GPR26: variants seen among roughly 807,000 people sequenced by gnomAD.
The protein encoded by GPR26 is G protein-coupled receptor 26.
Under a neutral mutation model 23.1 loss-of-function variants are expected in GPR26, and 15 were observed. The ratio of observed to expected loss-of-function variants is 0.65; its 90% CI spans 0.43 to 1.00. The LOEUF is 1.00. Among genes scored for constraint, GPR26 ranks in the 50% least tolerant of loss-of-function variants. GPR26 has a pLI of 0.00. For missense variants in GPR26, 359 were observed against 470.5 expected (o/e 0.76, Z 2.19); for synonymous variants, 228 against 222.1 (o/e 1.03, Z -0.24).
chr10:123,678,324 C>T (rs556651778), intron 2 of GPR26, among the ~76,000 whole-genome samples: 1 of 152,204 alleles, frequency 6.6e-6, no homozygotes, highest in Non-Finnish European at 1.5e-5. Flanking sequence ...CCTTGAGCTG[C>T]TCATATCATT....
chr10:123,675,833 C>CGTGTGTGTGTGTATGTGTGT (rs1554863877), intron 2 of GPR26, among the ~76,000 whole-genome samples: 8 of 134,176 alleles, frequency 6.0e-5, no homozygotes, highest in Admixed American at 3.8e-4. Flanking sequence ...TGTGTGTGTA[C>CGTGTGTGTGTGTATGTGTGT]GTGTGTGTGT....
At position 123,689,105 on chromosome 10, in the gene GPR26, G is replaced by GA. The variant is rs1163594313; in HGVS notation, c.*946dup. On this transcript the variant is annotated 3_prime_UTR_variant, in exon 3 of 3. Transcript: ENST00000284674. Reference sequence around the variant, plus strand: ...GAGATGGATGGGCAAGAACTGGCCTGAGCAGGGATTTTTGCCTTGATTTTA... The same window carrying GA: ...GAGATGGATGGGCAAGAACTGGCCTGAAGCAGGGATTTTTGCCTTGATTTTA... 1 of 152,202 alleles carries GA rather than the reference G, an allele frequency of 6.6e-6. No individual in the cohort carries two copies. Among genetic ancestry groups the GA allele is most frequent in the African/African-American group, 2.4e-5 (1 of 41,440 alleles). 9.4% of individuals were successfully genotyped at this position (152,202 alleles called of 1,614,324 possible).
At chr10:123,671,904 G>A (rs1335374103) in intron 1 of GPR26, among the ~76,000 whole-genome samples, 2 of 152,236 alleles carry the variant, frequency 1.3e-5, no homozygotes, top group Non-Finnish European at 2.9e-5. Flanking sequence ...GTTTTGCAAA[G>A]CTATGGAGGG....
In GPR26 at chr10:123,674,883, C is replaced by A. The variant is rs774897681; in HGVS notation, c.734C>A (p.Thr245Asn). The change falls in exon 2 of 3, where the codon ACC (threonine) becomes AAC (asparagine). Residue 245 changes from threonine to asparagine, a missense_variant. By Grantham distance (65) the Thr-to-Asn change is moderately conservative. Transcript: ENST00000284674. The surrounding 1 kb of genome is among the most constrained non-coding windows in gnomAD (Gnocchi z 4.1). ...RRQRATKKISTFIGTFLVCFA... is the reference protein window; with the variant it reads ...RRQRATKKISNFIGTFLVCFA... ...CAGCGAGCCACCAAGAAGATCAGCA[C>A]CTTCATAGGGACCTTCCTTGTGTGC... is the stretch of plus-strand genomic sequence containing the variant. 2 of 1,613,612 alleles carry A rather than the reference C, an allele frequency of 1.2e-6. No individual in the cohort carries two copies. Among genetic ancestry groups the A allele is most frequent in the African/African-American group, 1.3e-5 (1 of 74,904 alleles).
chr10:123,690,395 G>A lies in GPR26; in HGVS notation c.*2235G>A, dbSNP rs1845479066. 6.6e-6 allele frequency: 1 copy of A among 152,130 alleles called. No individual in the cohort carries two copies. The highest frequency in any genetic ancestry group is 6.5e-5 in the Admixed American group (1 of 15,268). The allele number at this position is 152,130 out of a possible 1,614,324, so 9.4% of individuals were successfully genotyped here. A position where few individuals can be genotyped will look rare whatever the true frequency, so the allele number is the denominator to read the frequency against. ...ATACATTTTCATCAATATCACTTTGGGAGAATAACTGTGGCACATGCTCTT... is the reference window on the plus strand; with the variant it reads ...ATACATTTTCATCAATATCACTTTGAGAGAATAACTGTGGCACATGCTCTT... On this transcript the variant is annotated 3_prime_UTR_variant, in exon 3 of 3. Transcript: ENST00000284674.
At chr10:123,679,373 G>A (rs777441353) in intron 2 of GPR26, among the ~76,000 whole-genome samples, 1 of 152,206 alleles carries the variant, frequency 6.6e-6, no homozygotes, top group Non-Finnish European at 1.5e-5. Context: ...GGAGAGGCAC[G>A]CAAGCTTGAA....
chr10:123,684,634 T>C (rs1845412275), intron 2 of GPR26, among the ~76,000 whole-genome samples: 1 of 152,218 alleles, frequency 6.6e-6, no homozygotes, highest in Non-Finnish European at 1.5e-5. Flanking sequence ...TTTGGATTCC[T>C]TGGCTTGCAG....
rs1351313758 is a variant in GPR26, at chr10:123,689,690, C to A, written c.*1530C>A. On this transcript the variant is annotated 3_prime_UTR_variant, in exon 3 of 3. Transcript: ENST00000284674. The stretch of plus-strand genomic sequence containing the variant: ...GAAGTGAAGAGTCTATTGGTTTTTA[C>A]TTCTAGGCAGTCCCAATTTTTAAAG... The A allele has an allele frequency of 6.6e-6, 1 of 152,204 alleles. No homozygotes were observed. Among genetic ancestry groups the A allele is most frequent in the Non-Finnish European group, 1.5e-5 (1 of 68,040 alleles). The allele number at this position is 152,204 out of a possible 1,614,324, so 9.4% of individuals were successfully genotyped here. A position where few individuals can be genotyped will look rare whatever the true frequency, so the allele number is the denominator to read the frequency against.
At chr10:123,670,939 G>A (rs913236254) in intron 1 of GPR26, among the ~76,000 whole-genome samples, 3 of 152,164 alleles carry the variant, frequency 2.0e-5, no homozygotes, top group Non-Finnish European at 4.4e-5. Context: ...TTGTTGTGTG[G>A]GGAGGGATGA....
rs150677683 is a variant in GPR26, at chr10:123,685,227, G to A, written c.783-2702G>A. Among the ~76,000 whole-genome samples the A allele has an allele frequency of 1.6e-3, 239 of 152,334 alleles. 2 individuals carry two copies. Among genetic ancestry groups the A allele is most frequent in the African/African-American group, 5.0e-3 (209 of 41,578 alleles). On this transcript the variant is annotated intron_variant, in intron 2 of 2. Coordinates refer to ENST00000284674, the MANE Select transcript of GPR26 (RefSeq NM_153442.4). Reference sequence around the variant, plus strand: ...GGGGTGAGCAGAGCTAGATCTGGCAGGAAAACATGGACTGAATTGTCCCTC... The same window carrying A: ...GGGGTGAGCAGAGCTAGATCTGGCAAGAAAACATGGACTGAATTGTCCCTC...
chr10:123,682,010 C>T (rs4980314), intron 2 of GPR26, among the ~76,000 whole-genome samples: 6,913 of 152,234 alleles, frequency 0.045, 188 homozygotes, highest in African/African-American at 0.046. Flanking sequence ...AGCGTCAGGC[C>T]AGTTGGCTAT....
chr10:123,683,537 CTTGG>C lies in GPR26; in HGVS notation c.783-4391_783-4388del, dbSNP rs1176141608. On this transcript the variant is annotated intron_variant, in intron 2 of 2. Transcript: ENST00000284674. Reference sequence around the variant, plus strand: ...GTCTCTCCAGAGGCTCAGAGAAGGCCTTGGAGTTCTGGCAGACATGCCTCCCTCC... The same window carrying C: ...GTCTCTCCAGAGGCTCAGAGAAGGCCAGTTCTGGCAGACATGCCTCCCTCC... 4.9e-3 allele frequency among the ~76,000 whole-genome samples: 745 copies of C among 152,322 alleles called. 8 individuals are homozygous for C. Among genetic ancestry groups the C allele is most frequent in the African/African-American group, 0.017 (715 of 41,562 alleles).
rs767727620 is a variant in GPR26 at position 123,674,785 on chromosome 10, C to T, written c.669-33C>T. The T allele has an allele frequency of 1.3e-5, 19 of 1,443,362 alleles. No individual in the cohort carries two copies. Among genetic ancestry groups the T allele is most frequent in the African/African-American group, 2.8e-5 (2 of 71,818 alleles). 89.4% of individuals were successfully genotyped at this position (1,443,362 alleles called of 1,614,324 possible). A position where few individuals can be genotyped will look rare whatever the true frequency, so the allele number is the denominator to read the frequency against. ...TCATCCTGACCTAGCAAGGGTGCCT[C>T]GTAGTTCACCTTCTCTCCTCTCTCA... On this transcript the variant is annotated intron_variant, in intron 1 of 2. Transcript: ENST00000284674. This position sits in a 1 kb window ranked among gnomAD's most constrained non-coding sequence, Gnocchi z 4.1.
chr10:123,675,697 TA>T, intron 2 of GPR26, among the ~76,000 whole-genome samples: 1 of 152,128 alleles, frequency 6.6e-6, no homozygotes, highest in East Asian at 1.9e-4. Flanking sequence ...GGGGCTTAAC[TA>T]GTTGAGAAGT....
intron 2 of GPR26, among the ~76,000 whole-genome samples, 158 bp downstream of exon 2, chr10:123,675,089 T>C (rs986903801): frequency 2.6e-5 from 4 of 152,178 alleles, no homozygotes; most frequent in African/African-American, 9.7e-5. Context: ...AGGAGGCTGC[T>C]TGCTTTTCCT....
intron 2 of GPR26, among the ~76,000 whole-genome samples, chr10:123,683,033 CGTGTGT>C (rs10608896): frequency 1.3e-5 from 2 of 150,754 alleles, no homozygotes; most frequent in East Asian, 2.0e-4. Context: ...CATGTGTTTA[CGTGTGT>C]GTGTGTGTGT....
chr10:123,686,349 T>C (rs1170979445), intron 2 of GPR26, among the ~76,000 whole-genome samples: 1 of 152,230 alleles, frequency 6.6e-6, no homozygotes, highest in Non-Finnish European at 1.5e-5. Flanking sequence ...CTTCTCAAAA[T>C]AGATTTCTTT....
chr10:123,686,088 G>A (rs1247674534), intron 2 of GPR26, among the ~76,000 whole-genome samples: 1 of 152,150 alleles, frequency 6.6e-6, no homozygotes, highest in Non-Finnish European at 1.5e-5. Context: ...TTTATTCTGT[G>A]AAATCTACAG....
At chr10:123,681,630 T>C (rs1439800921) in intron 2 of GPR26, among the ~76,000 whole-genome samples, 3 of 152,214 alleles carry the variant, frequency 2.0e-5, no homozygotes, top group African/African-American at 7.2e-5. Flanking sequence ...TGCTGTAATA[T>C]CTGCCACCCC....
Sources: gnomAD v4.1 joint callset for allele counts (sites outside exome capture counted in the v4.1 genomes callset) on GRCh38, gnomAD v4.1.1 for gene constraint, Gnocchi (gnomAD v3.1) non-coding constraint, MANE v1.5 for transcripts, NCBI Gene and HGNC (gene_info 2026-07-23, HGNC 2026-07-21) for gene names.